The following GLIS3 variants were observed in gnomAD, a reference collection of about 807,000 sequenced individuals.
The protein encoded by GLIS3 is GLIS family zinc finger 3.
A neutral mutation model predicts 78.6 loss-of-function variants in GLIS3; 53 were observed. The ratio of observed to expected loss-of-function variants is 0.67; its 90% CI spans 0.54 to 0.85. GLIS3 has a LOEUF of 0.85. Among genes scored for constraint, GLIS3 ranks in the 40% least tolerant of loss-of-function variants. The pLI is 0.00. For synonymous variants in GLIS3, 684 were observed against 509.9 expected (o/e 1.34, Z -4.60); for missense variants, 1,703 against 1,231.1 (o/e 1.38, Z -5.74).
intron 2 of GLIS3, among the ~76,000 whole-genome samples, chr9:4,282,834 TC>T (rs1827676022): frequency 6.6e-6 from 1 of 151,750 alleles, no homozygotes; most frequent in Admixed American, 6.6e-5. Context: ...CCCACAAGAG[TC>T]CCATGTTCCA....
intron 4 of GLIS3, among the ~76,000 whole-genome samples, chr9:3,951,968 C>A (rs997168655): frequency 5.3e-5 from 8 of 151,724 alleles, no homozygotes; most frequent in African/African-American, 1.9e-4. Context: ...TCCGGCTGAT[C>A]ACTGGCACAA....
At chr9:4,252,751 C>G (rs1257127511) in intron 2 of GLIS3, among the ~76,000 whole-genome samples, 1 of 152,156 alleles carries the variant, frequency 6.6e-6, no homozygotes, top group Non-Finnish European at 1.5e-5. Flanking sequence ...GTGGATTTAT[C>G]TGTCTTTGGT....
intron 6 of GLIS3, among the ~76,000 whole-genome samples, chr9:3,900,327 G>A (rs1823199003): frequency 1.3e-5 from 2 of 152,094 alleles, no homozygotes; most frequent in South Asian, 2.1e-4. Context: ...TGAAGGTACA[G>A]TGAGAGAGGC....
intron 2 of GLIS3, among the ~76,000 whole-genome samples, chr9:4,218,664 G>T (rs1022636182): frequency 6.6e-6 from 1 of 152,186 alleles, no homozygotes; most frequent in Admixed American, 6.5e-5. Context: ...GAGCACTTGA[G>T]ATGTGGCTAG....
At chr9:4,310,101 G>C (rs1681976451) in intron 3 of GLIS3, among the ~76,000 whole-genome samples, 1 of 149,906 alleles carries the variant, frequency 6.7e-6, no homozygotes, top group Admixed American at 6.7e-5. Flanking sequence ...TTCCATATCA[G>C]GATTCTGCTA....
chr9:4,061,678 A>G (rs1005326161), intron 4 of GLIS3, among the ~76,000 whole-genome samples: 1 of 152,220 alleles, frequency 6.6e-6, no homozygotes, highest in Non-Finnish European at 1.5e-5. Flanking sequence ...GGTACAAATG[A>G]AAGTTCAGCA....
chr9:4,018,397 A>C (rs1822609314), intron 4 of GLIS3, among the ~76,000 whole-genome samples: 1 of 152,224 alleles, frequency 6.6e-6, no homozygotes, highest in Admixed American at 6.5e-5. Flanking sequence ...TCACTAAGGA[A>C]GAAAGCAAGA....
intron 4 of GLIS3, among the ~76,000 whole-genome samples, chr9:4,058,812 CT>C (rs987940190): frequency 1.2e-4 from 18 of 152,020 alleles, no homozygotes; most frequent in African/African-American, 4.3e-4. Flanking sequence ...AACCCCATCT[CT>C]ACTAAAAAAT....
At chr9:4,008,368 G>A (rs757196342) in intron 4 of GLIS3, among the ~76,000 whole-genome samples, 48 of 152,172 alleles carry the variant, frequency 3.2e-4, no homozygotes, top group Non-Finnish European at 6.2e-4. Flanking sequence ...TGGTCCCAGA[G>A]TGGCCAGTGC....
At chr9:3,900,062 G>C (rs777989752) in intron 6 of GLIS3, among the ~76,000 whole-genome samples, 5 of 152,004 alleles carry the variant, frequency 3.3e-5, no homozygotes, top group Non-Finnish European at 7.3e-5. Context: ...GGAGAAGTAA[G>C]AGTCAAGCAG....
At chr9:3,852,379 A>G (rs1819490500) in intron 9 of GLIS3, among the ~76,000 whole-genome samples, 2 of 152,210 alleles carry the variant, frequency 1.3e-5, no homozygotes, top group South Asian at 4.1e-4. Context: ...AAGAGAGAAC[A>G]AACACTCACT....
chr9:4,236,495 T>A (rs1822765553), intron 2 of GLIS3, among the ~76,000 whole-genome samples: 1 of 152,216 alleles, frequency 6.6e-6, no homozygotes, highest in African/African-American at 2.4e-5. Flanking sequence ...GTTAAACAGT[T>A]TTTTTGTTAC....
chr9:4,006,764 C>T (rs572106530), intron 4 of GLIS3, among the ~76,000 whole-genome samples: 4 of 152,188 alleles, frequency 2.6e-5, no homozygotes, highest in African/African-American at 9.7e-5. Flanking sequence ...GCTCTTTCTT[C>T]TAAAGACCAA....
chr9:4,038,337 C>T (rs1563974528), intron 4 of GLIS3, among the ~76,000 whole-genome samples: 2 of 152,284 alleles, frequency 1.3e-5, no homozygotes, highest in East Asian at 3.9e-4. Context: ...CAGAGGGAAA[C>T]CTCTAATTAC....
intron 4 of GLIS3, among the ~76,000 whole-genome samples, chr9:4,115,883 A>C (rs552920124): frequency 7.2e-5 from 11 of 152,332 alleles, no homozygotes; most frequent in Admixed American, 6.5e-4. Flanking sequence ...TTCCACCTAG[A>C]AGTGGGGAGT....
chr9:4,218,451 TG>T (rs1390270813), intron 2 of GLIS3, among the ~76,000 whole-genome samples: 2 of 152,218 alleles, frequency 1.3e-5, no homozygotes, highest in Admixed American at 1.3e-4. Flanking sequence ...ACTAATTTTT[TG>T]TATTTTTAGT....
At chr9:4,259,629 G>A (rs1341658516) in intron 2 of GLIS3, among the ~76,000 whole-genome samples, 1 of 152,276 alleles carries the variant, frequency 6.6e-6, no homozygotes, top group East Asian at 1.9e-4. Context: ...TTCAGTTTTT[G>A]CTTGCAATGG....
intron 4 of GLIS3, among the ~76,000 whole-genome samples, chr9:3,956,332 A>G (rs1275498603): frequency 6.6e-6 from 1 of 152,232 alleles, no homozygotes; most frequent in Non-Finnish European, 1.5e-5. Context: ...TGGCTATTAA[A>G]ATGTTACAAC....
chr9:4,272,916 A>G (rs765984475), intron 2 of GLIS3, among the ~76,000 whole-genome samples: 3 of 152,250 alleles, frequency 2.0e-5, no homozygotes, highest in Non-Finnish European at 4.4e-5. Context: ...CCTAGTTTGT[A>G]CAACAAATTA....
Sources: allele counts gnomAD v4.1 joint callset (sites outside exome capture counted in the v4.1 genomes callset), GRCh38; gene constraint gnomAD v4.1.1; transcripts MANE v1.5; gene names NCBI Gene and HGNC (gene_info 2026-07-23, HGNC 2026-07-21).